DMD: variants seen among roughly 807,000 people sequenced by gnomAD.
The protein encoded by DMD is dystrophin, also known as mutant dystrophin.
In DMD, 63 loss-of-function variants were observed where a neutral mutation model predicts 330.1. The ratio of observed to expected loss-of-function variants is 0.19; its 90% CI spans 0.16 to 0.24. DMD has a LOEUF of 0.24. Ranked by LOEUF, DMD falls within the 10% of genes least tolerant of loss-of-function variation. The pLI, the probability that DMD is intolerant of heterozygous loss-of-function variation, is 1.00. For synonymous variants in DMD, 1,223 were observed against 959.8 expected (o/e 1.27, Z -5.07); for missense variants, 3,344 against 2,684.1 (o/e 1.25, Z -5.43).
At chrX:32,846,999 C>G (rs2080744279) in intron 3 of DMD, among the ~76,000 whole-genome samples, 1 of 109,498 alleles carries the variant, frequency 9.1e-6, no homozygotes, top group Non-Finnish European at 1.9e-5. Context: ...GAGTAAGATT[C>G]CATCAAAATA....
intron 55 of DMD, among the ~76,000 whole-genome samples, chrX:31,545,051 T>C (rs1418932957): frequency 8.9e-6 from 1 of 112,152 alleles, no homozygotes; most frequent in Admixed American, 9.5e-5. Flanking sequence ...GAAAAAGGGC[T>C]AAGTCTTCCT....
intron 47 of DMD, among the ~76,000 whole-genome samples, chrX:31,916,078 T>C (rs1036855453): frequency 5.4e-5 from 6 of 111,872 alleles, no homozygotes; most frequent in Non-Finnish European, 1.1e-4. Flanking sequence ...GAATCCTGTT[T>C]CTTGCATGAG....
Position 33,150,292 on chromosome X carries a change from CTTTT to C in DMD, c.31+60986_31+60989del, listed in dbSNP as rs67904733. On this transcript the variant is annotated intron_variant, in intron 1 of 78. Coordinates refer to ENST00000357033, the MANE Select transcript of DMD (RefSeq NM_004006.3). ...TACTTTCTTCCTTATAAAAGTCAGT[CTTTT>C]TTTTTTTTTTTTTTTTGAGAGGGAG... Among the ~76,000 whole-genome samples, 505 of 87,596 alleles carry C rather than the reference CTTTT, an allele frequency of 5.8e-3. 16 individuals are homozygous for C. The highest frequency in any genetic ancestry group is 0.032 in the East Asian group (88 of 2,739). 76.1% of individuals were successfully genotyped at this position (87,596 alleles called of 115,157 possible). A position where few individuals can be genotyped will look rare whatever the true frequency, so the allele number is the denominator to read the frequency against.
intron 17 of DMD, among the ~76,000 whole-genome samples, chrX:32,535,566 C>G (rs968046330): frequency 9.0e-6 from 1 of 111,706 alleles, no homozygotes; most frequent in Non-Finnish European, 1.9e-5. Flanking sequence ...AAAGCCCCAG[C>G]TTCTGAGCTC....
chrX:32,732,431 G>A (rs1471560762), intron 7 of DMD, among the ~76,000 whole-genome samples: 6 of 110,105 alleles, frequency 5.4e-5, no homozygotes, highest in Admixed American at 1.9e-4. Flanking sequence ...GATACTCCTC[G>A]AGAAGAGCAA....
chrX:32,826,412 T>C (rs147335453), intron 4 of DMD, among the ~76,000 whole-genome samples: 1,310 of 111,115 alleles, frequency 0.012, 17 homozygotes, highest in African/African-American at 0.04. Context: ...CTACTCAAAA[T>C]AGCGAAGATA....
chrX:31,188,137 G>A (rs982133693), intron 67 of DMD, among the ~76,000 whole-genome samples: 17 of 111,936 alleles, frequency 1.5e-4, no homozygotes, highest in Non-Finnish European at 2.6e-4. Context: ...GCTCACCTAC[G>A]CCAACTGACA....
At chrX:32,035,513 C>A in intron 44 of DMD, 2 of 291,806 alleles carry the variant, frequency 6.9e-6, no homozygotes, top group Non-Finnish European at 1.3e-5. Flanking sequence ...CTTATCCTAC[C>A]GTAACTTACA....
At chrX:31,169,627 GT>G (rs757657920) in intron 73 of DMD, 26 bp from the exon 74 acceptor site, 26 of 1,175,616 alleles carry the variant, frequency 2.2e-5, no homozygotes, top group Admixed American at 2.1e-4. Flanking sequence ...AAAGGTTTTG[GT>G]TTTTTCCCCC....
intron 44 of DMD, among the ~76,000 whole-genome samples, chrX:32,062,072 C>A (rs956900067): frequency 2.7e-5 from 3 of 110,806 alleles, no homozygotes; most frequent in African/African-American, 9.8e-5. Flanking sequence ...TTTAAAATCT[C>A]CTGGAAAATA....
chrX:31,919,891 C>A (rs2094665060), intron 47 of DMD, among the ~76,000 whole-genome samples: 1 of 112,366 alleles, frequency 8.9e-6, no homozygotes. Flanking sequence ...TCTAGCTCAT[C>A]CTTCTCAGCT....
At chrX:33,195,557 G>A (rs759617673) in intron 1 of DMD, among the ~76,000 whole-genome samples, 9 of 111,670 alleles carry the variant, frequency 8.1e-5, no homozygotes, top group African/African-American at 2.9e-4. Flanking sequence ...CATTTCCTTT[G>A]AGACTAAGAA....
intron 48 of DMD, among the ~76,000 whole-genome samples, chrX:31,861,909 T>C (rs2149607197): frequency 1.0e-5 from 1 of 99,163 alleles, no homozygotes; most frequent in South Asian, 4.9e-4. Context: ...TTCTAACAGC[T>C]GGCTTTATTT....
intron 76 of DMD, among the ~76,000 whole-genome samples, chrX:31,145,596 A>G (rs1227187306): frequency 9.1e-6 from 1 of 110,233 alleles, no homozygotes; most frequent in Non-Finnish European, 1.9e-5. Context: ...TCTTCTTCCA[A>G]CCAAATCCTC....
At chrX:31,692,681 C>A (rs2148821231) in intron 52 of DMD, among the ~76,000 whole-genome samples, 1 of 111,302 alleles carries the variant, frequency 9.0e-6, no homozygotes, top group East Asian at 2.8e-4. Context: ...TGGATGAATT[C>A]TTAGAAATAC....
At chrX:32,484,176 G>C (rs1245799109) in intron 21 of DMD, among the ~76,000 whole-genome samples, 1 of 111,181 alleles carries the variant, frequency 9.0e-6, no homozygotes, top group Admixed American at 9.6e-5. Flanking sequence ...TGTATATAGT[G>C]AATCAAAACC....
chrX:32,198,908 G>A (rs895018885), intron 44 of DMD, among the ~76,000 whole-genome samples: 1 of 112,213 alleles, frequency 8.9e-6, no homozygotes, highest in Non-Finnish European at 1.9e-5. Context: ...TATGCAAGAC[G>A]TTACATATCA....
At chrX:32,120,017 G>T (rs1398132508) in intron 44 of DMD, among the ~76,000 whole-genome samples, 1 of 111,994 alleles carries the variant, frequency 8.9e-6, no homozygotes, top group African/African-American at 3.2e-5. Context: ...CCAGCATATT[G>T]CACAGTTCCT....
chrX:31,160,285 A>C (rs1404507418), intron 74 of DMD, among the ~76,000 whole-genome samples: 1 of 111,688 alleles, frequency 9.0e-6, no homozygotes, highest in Non-Finnish European at 1.9e-5. Context: ...GAGTTAATTT[A>C]ATACCTATCT....
Sources: gnomAD v4.1 joint callset for allele counts (sites outside exome capture counted in the v4.1 genomes callset) on GRCh38, gnomAD v4.1.1 for gene constraint, MANE v1.5 for transcripts, NCBI Gene and HGNC (gene_info 2026-07-23, HGNC 2026-07-21) for gene names.